Variants in OCA2 observed in about 807,000 individuals in gnomAD.
OCA2 encodes P protein.
A neutral mutation model predicts 100.2 loss-of-function variants in OCA2; 77 were observed. The ratio of observed to expected loss-of-function variants is 0.77; its 90% CI spans 0.64 to 0.93. The LOEUF is 0.93. Among genes scored for constraint, OCA2 ranks in the 40% least tolerant of loss-of-function variants. The pLI is 0.00. For missense variants in OCA2, 1,062 were observed against 1,089.1 expected (o/e 0.98, Z 0.35); for synonymous variants, 432 against 439.2 (o/e 0.98, Z 0.21).
At chr15:27,747,052 C>T in the OCA2 span, among the ~76,000 whole-genome samples, 3 of 152,226 alleles carry the variant, frequency 2.0e-5, no homozygotes, top group Non-Finnish European at 4.4e-5. Flanking sequence ...ATCAATTTCA[C>T]TTACTGTCTC....
intron 23 of OCA2, among the ~76,000 whole-genome samples, chr15:27,796,536 G>A (rs1937803880): frequency 6.6e-6 from 1 of 152,226 alleles, no homozygotes. Flanking sequence ...TCTGGGCAGG[G>A]CAGGTGCTCA....
intron 21 of OCA2, among the ~76,000 whole-genome samples, chr15:27,866,330 G>A (rs991253378): frequency 6.6e-6 from 1 of 152,142 alleles, no homozygotes; most frequent in African/African-American, 2.4e-5. Context: ...CACTGAAGAT[G>A]AGGGTGTGTC....
chr15:27,796,675 T>C (rs2033353868), intron 23 of OCA2, among the ~76,000 whole-genome samples: 1 of 152,320 alleles, frequency 6.6e-6, no homozygotes, highest in East Asian at 1.9e-4. Flanking sequence ...TGCCAGAGCA[T>C]AGCCTATCAT....
intron 19 of OCA2, among the ~76,000 whole-genome samples, chr15:27,911,539 G>A (rs1057045035): frequency 9.9e-5 from 15 of 152,204 alleles, no homozygotes; most frequent in African/African-American, 3.6e-4. Context: ...TCCCCTCATA[G>A]TGGAAAGCTG....
At chr15:28,079,858 T>C (rs973001994) in intron 2 of OCA2, among the ~76,000 whole-genome samples, 11 of 152,074 alleles carry the variant, frequency 7.2e-5, no homozygotes, top group Non-Finnish European at 1.2e-4. Flanking sequence ...TGCCTGCACC[T>C]GTCAGCACCT....
intron 18 of OCA2, chr15:27,950,581 G>C (rs2039994377): frequency 1.9e-6 from 1 of 515,368 alleles, no homozygotes; most frequent in Non-Finnish European, 3.9e-6. Flanking sequence ...AGTTGGATTT[G>C]AGATTATCAA....
intron 23 of OCA2, among the ~76,000 whole-genome samples, chr15:27,818,853 C>G (rs775863900): frequency 3.3e-5 from 5 of 152,190 alleles, no homozygotes; most frequent in Non-Finnish European, 7.3e-5. Context: ...GGCAGGGATG[C>G]TTTTTGTCCT....
At chr15:28,044,451 G>A (rs986021094) in intron 2 of OCA2, among the ~76,000 whole-genome samples, 3 of 152,196 alleles carry the variant, frequency 2.0e-5, no homozygotes, top group Non-Finnish European at 2.9e-5. Flanking sequence ...TCTTGTCCCA[G>A]TGGCCTGGCA....
intron 5 of OCA2, among the ~76,000 whole-genome samples, chr15:28,023,742 C>T (rs2042664620): frequency 6.6e-6 from 1 of 152,202 alleles, no homozygotes; most frequent in South Asian, 2.1e-4. Flanking sequence ...CAAAATAACT[C>T]CGCAAAGCAC....
intron 2 of OCA2, among the ~76,000 whole-genome samples, chr15:28,060,333 C>A (rs907171949): frequency 6.6e-6 from 1 of 152,222 alleles, no homozygotes; most frequent in African/African-American, 2.4e-5. Context: ...CCCAGCCTTG[C>A]GAAATGATCA....
chr15:27,977,209 C>A (rs2040998418), intron 14 of OCA2, among the ~76,000 whole-genome samples: 1 of 152,044 alleles, frequency 6.6e-6, no homozygotes, highest in Non-Finnish European at 1.5e-5. Flanking sequence ...GTCAAAGAAC[C>A]AGCTTTTGCT....
At chr15:27,782,186 C>T (rs2032578371) in intron 23 of OCA2, among the ~76,000 whole-genome samples, 1 of 152,154 alleles carries the variant, frequency 6.6e-6, no homozygotes, top group African/African-American at 2.4e-5. Context: ...TTTATATTTA[C>T]AATAAAGCTA....
chr15:27,770,060 C>A (rs2031595634), intron 23 of OCA2, among the ~76,000 whole-genome samples: 1 of 152,220 alleles, frequency 6.6e-6, no homozygotes. Context: ...GGCAGGGACC[C>A]CCTTTTTTGC....
Position 27,937,133 on chromosome 15 carries a change from G to C in OCA2, c.1952-10879C>G, listed in dbSNP as rs138488269. 5.3e-3 allele frequency among the ~76,000 whole-genome samples: 804 copies of C among 152,256 alleles called. 4 individuals are homozygous for C. Among genetic ancestry groups the C allele is most frequent in the Non-Finnish European group, 7.4e-3 (503 of 68,016 alleles). ...AGGCTCTGCCCTTCACAACCAGAGA[G>C]TAAATGTGCCTGTTTCTGAGTTCTT... On this transcript the variant is annotated intron_variant, in intron 18 of 23. Coordinates refer to ENST00000354638, the MANE Select transcript of OCA2 (RefSeq NM_000275.3).
chr15:27,904,707 T>C (rs2038102141), intron 19 of OCA2, among the ~76,000 whole-genome samples: 1 of 152,146 alleles, frequency 6.6e-6, no homozygotes, highest in Non-Finnish European at 1.5e-5. Context: ...AGTTGCAAAG[T>C]ACAAGGACAA....
intron 23 of OCA2, among the ~76,000 whole-genome samples, chr15:27,765,470 C>T (rs766124773): frequency 3.9e-5 from 6 of 152,182 alleles, no homozygotes; most frequent in Non-Finnish European, 8.8e-5. Flanking sequence ...ATCACTCAAG[C>T]ACCTGGACCC....
chr15:28,063,761 A>C (rs2043945279), intron 2 of OCA2, among the ~76,000 whole-genome samples: 1 of 152,148 alleles, frequency 6.6e-6, no homozygotes, highest in Non-Finnish European at 1.5e-5. Flanking sequence ...ATATCCTTTA[A>C]CAAAGATTTA....
the OCA2 span, among the ~76,000 whole-genome samples, chr15:27,741,177 C>A: frequency 1.4e-3 from 209 of 152,326 alleles, no homozygotes; most frequent in Middle Eastern, 6.8e-3. Flanking sequence ...ATAACTACGA[C>A]TTCACCAACT....
chr15:28,049,234 A>T (rs2043434622), intron 2 of OCA2, among the ~76,000 whole-genome samples: 1 of 152,202 alleles, frequency 6.6e-6, no homozygotes, highest in Non-Finnish European at 1.5e-5. Flanking sequence ...GATGCTCAAC[A>T]TCATTAGTCA....
Sources: allele counts gnomAD v4.1 joint callset (sites outside exome capture counted in the v4.1 genomes callset), GRCh38; gene constraint gnomAD v4.1.1; transcripts MANE v1.5; gene names NCBI Gene and HGNC (gene_info 2026-07-23, HGNC 2026-07-21).